Variants in TUBGCP4 observed in about 807,000 individuals in gnomAD.
The protein encoded by TUBGCP4 is gamma-tubulin complex component 4.
Under a neutral mutation model 91.6 loss-of-function variants are expected in TUBGCP4, and 54 were observed. The observed-to-expected ratio is 0.59, with a 90% CI of 0.47 to 0.74. The LOEUF (loss-of-function observed/expected upper bound fraction) is 0.74, where lower values mean the gene tolerates loss of function less well. Ranked by LOEUF, TUBGCP4 falls within the 30% of genes least tolerant of loss-of-function variation. The pLI is 0.00. For synonymous variants in TUBGCP4, 297 were observed against 302.8 expected (o/e 0.98, Z 0.20); for missense variants, 593 against 800.9 (o/e 0.74, Z 3.13).
chr15:43,405,120 A>C (rs963532112), intron 17 of TUBGCP4, 82 bp from the exon 18 acceptor site: 4 of 1,495,380 alleles, frequency 2.7e-6, no homozygotes, highest in Admixed American at 1.7e-5. Flanking sequence ...TATTTAGATC[A>C]CAGGTTATCC....
intron 6 of TUBGCP4, among the ~76,000 whole-genome samples, chr15:43,382,794 T>C (rs1433083638): frequency 6.6e-6 from 1 of 152,182 alleles, no homozygotes; most frequent in East Asian, 1.9e-4. Flanking sequence ...CATCTGAATA[T>C]CCTATTCCCC....
In TUBGCP4 at chr15:43,395,169, G is replaced by C; in HGVS notation, c.1065+12G>C. 3.1e-6 allele frequency: 5 copies of C among 1,613,914 alleles called. No homozygotes were observed. The highest frequency in any genetic ancestry group is 3.4e-6 in the Non-Finnish European group (4 of 1,179,846). ...TGGGTCAGCTGAAGGTAATGGCTTA[G>C]CTGTTGTAATTCTTACGGTGATGCT... On this transcript the variant is annotated intron_variant, in intron 10 of 17. Transcript: ENST00000564079.
Position 43,407,536 on chromosome 15 carries a change from C to T in TUBGCP4, c.*2322C>T, listed in dbSNP as rs145249471. 5.8e-5 allele frequency: 94 copies of T among 1,614,058 alleles called. No individual in the cohort carries two copies. Among genetic ancestry groups the T allele is most frequent in the Middle Eastern group, 3.3e-4 (2 of 6,060 alleles). On this transcript the variant is annotated 3_prime_UTR_variant, in exon 18 of 18. Coordinates refer to ENST00000564079, the MANE Select transcript of TUBGCP4 (RefSeq NM_014444.5). ...GCACCGAGGCTGGGCATGAGGGGTC[C>T]GTCACCACCACATCAAATACCCCTA...
chr15:43,398,430 T>A (rs1257409027), intron 13 of TUBGCP4: 1 of 318,946 alleles, frequency 3.1e-6, no homozygotes, highest in East Asian at 5.2e-5. Flanking sequence ...ACCCAACTAG[T>A]TTTTAACAAT....
At position 43,404,984 on chromosome 15, in the gene TUBGCP4, G is replaced by T. The variant is rs935883095; in HGVS notation, c.1989-218G>T. 4.8e-5 allele frequency: 27 copies of T among 567,910 alleles called. No homozygotes were observed. The African/African-American group carries it at 5.0e-4, about 10-fold the overall frequency. 35.2% of individuals were successfully genotyped at this position (567,910 alleles called of 1,614,324 possible). A position where few individuals can be genotyped will look rare whatever the true frequency, so the allele number is the denominator to read the frequency against. The stretch of plus-strand genomic sequence containing the variant: ...ATTCAGTGGTAGCTGGCTTCCCAGA[G>T]GTCTGTCATTCCCATTCAGAAAATC... On this transcript the variant is annotated intron_variant, in intron 17 of 17. Coordinates refer to ENST00000564079, the MANE Select transcript of TUBGCP4 (RefSeq NM_014444.5).
At position 43,403,770 on chromosome 15, in the gene TUBGCP4, G is replaced by C; in HGVS notation, c.1819G>C (p.Gly607Arg). The C allele has an allele frequency of 6.2e-7, 1 of 1,613,918 alleles. No individual in the cohort carries two copies. Among genetic ancestry groups the C allele is most frequent in the East Asian group, 2.2e-5 (1 of 44,884 alleles). The change falls in exon 16 of 18, where the codon GGA becomes CGA. Residue 607 changes from glycine to arginine, a missense_variant. Transcript: ENST00000564079. Reference sequence around the variant, plus strand: ...GAACCTAGGCCCACTGGATGAGCGTGGAGCCGCCCAGCTGAGCATTCTCGT... The same window carrying C: ...GAACCTAGGCCCACTGGATGAGCGTCGAGCCGCCCAGCTGAGCATTCTCGT... The part of the protein sequence containing the change: ...SQNLGPLDER[G>R]AAQLSILVKG...
Position 43,385,759 on chromosome 15 carries a change from T to G in TUBGCP4, c.724-32T>G, listed in dbSNP as rs191091404. On this transcript the variant is annotated intron_variant, in intron 7 of 17. Coordinates refer to ENST00000564079, the MANE Select transcript of TUBGCP4 (RefSeq NM_014444.5). ...TTGTTTTCCTTTTCTTGCTTCACAC[T>G]GCATCTCGATGTGTACTCTTTCCTT... The G allele has an allele frequency of 1.1e-5, 17 of 1,610,688 alleles. No homozygotes were observed. The Admixed American group carries it at 1.7e-4, about 16-fold the overall frequency.
At chr15:43,390,821 T>TA (rs531473004) in intron 9 of TUBGCP4, among the ~76,000 whole-genome samples, 22 of 151,936 alleles carry the variant, frequency 1.4e-4, no homozygotes, top group African/African-American at 2.9e-4. Flanking sequence ...TTCTTTAATT[T>TA]AAAAAAAATT....
At chr15:43,382,145 G>A (rs1002210346) in intron 6 of TUBGCP4, among the ~76,000 whole-genome samples, 2 of 151,278 alleles carry the variant, frequency 1.3e-5, no homozygotes, top group East Asian at 1.9e-4. Flanking sequence ...CCAGGAGGTC[G>A]AAACTGCAGT....
intron 5 of TUBGCP4, among the ~76,000 whole-genome samples, chr15:43,378,313 G>A (rs1488853650): frequency 6.6e-6 from 1 of 152,076 alleles, no homozygotes; most frequent in East Asian, 1.9e-4. Flanking sequence ...GTGAGTGAAA[G>A]CCAGATGTTT....
rs750317435 is a variant in TUBGCP4, at chr15:43,371,312, A to C, written c.-43A>C. On this transcript the variant is annotated 5_prime_UTR_variant, in exon 1 of 18. Coordinates refer to ENST00000564079, the MANE Select transcript of TUBGCP4 (RefSeq NM_014444.5). ...TCGTGGTCGCCTGGAGGTGCGCTGGAGGAGGGGGTGACATAACCAGGGACT... is the reference window on the plus strand; with the variant it reads ...TCGTGGTCGCCTGGAGGTGCGCTGGCGGAGGGGGTGACATAACCAGGGACT... 2 of 1,596,400 alleles carry C rather than the reference A, an allele frequency of 1.3e-6. No homozygotes were observed. Among genetic ancestry groups the C allele is most frequent in the South Asian group, 2.2e-5 (2 of 89,028 alleles).
At chr15:43,383,237 G>T in intron 6 of TUBGCP4, 66 bp from the exon 7 acceptor site, 2 of 1,353,924 alleles carry the variant, frequency 1.5e-6, no homozygotes, top group South Asian at 1.5e-5. Flanking sequence ...AAATTCTCAG[G>T]CCTCTGTTTA....
At chr15:43,404,756 A>G in intron 17 of TUBGCP4, 1 of 608,120 alleles carries the variant, frequency 1.6e-6, no homozygotes. Context: ...ATACTAAAAA[A>G]CCTGACAGTG....
chr15:43,397,396 C>T (rs768172034), intron 12 of TUBGCP4, 75 bp downstream of exon 12: 29 of 1,069,268 alleles, frequency 2.7e-5, no homozygotes, highest in African/African-American at 7.7e-5. Flanking sequence ...TTCCATCCCC[C>T]GCCACAGAAA....
intron 9 of TUBGCP4, among the ~76,000 whole-genome samples, chr15:43,387,196 G>A (rs188104832): frequency 2.0e-4 from 31 of 152,340 alleles, no homozygotes; most frequent in Admixed American, 1.6e-3. Context: ...CTTGCCTGGT[G>A]TGGCACAGTG....
intron 6 of TUBGCP4, among the ~76,000 whole-genome samples, chr15:43,382,653 C>T (rs2044302037): frequency 6.6e-6 from 1 of 152,210 alleles, no homozygotes. Context: ...CAGAAAGTAA[C>T]TTTATCCCAT....
intron 1 of TUBGCP4, 53 bp from the exon 2 acceptor site, chr15:43,376,045 G>T: frequency 6.2e-7 from 1 of 1,602,790 alleles, no homozygotes; most frequent in South Asian, 1.1e-5. Flanking sequence ...TGAAGCACCT[G>T]AAAGTTGGGG....
chr15:43,398,038 C>T lies in TUBGCP4; in HGVS notation c.1280-3C>T. 1 of 1,607,466 alleles carries T rather than the reference C, an allele frequency of 6.2e-7. No individual in the cohort carries two copies. The highest frequency in any genetic ancestry group is 1.3e-5 in the African/African-American group (1 of 74,428). On this transcript the variant is annotated splice_polypyrimidine_tract_variant and splice_region_variant and intron_variant, in intron 12 of 17. Transcript: ENST00000564079. The stretch of plus-strand genomic sequence containing the variant: ...CTTTTTTTCTTTTCTTTTATCACAG[C>T]AGATGCTACTCAGGCAAGAGAAGGG...
At chr15:43,398,008 C>G in intron 12 of TUBGCP4, 33 bp from the exon 13 acceptor site, 1 of 1,588,526 alleles carries the variant, frequency 6.3e-7, no homozygotes, top group Non-Finnish European at 8.5e-7. Context: ...AAGTTGTTAT[C>G]TTTTCTTTTT....
Sources: gnomAD v4.1 joint callset for allele counts (sites outside exome capture counted in the v4.1 genomes callset) on GRCh38, gnomAD v4.1.1 for gene constraint, MANE v1.5 for transcripts, NCBI Gene and HGNC (gene_info 2026-07-23, HGNC 2026-07-21) for gene names.